The following TIAM1 variants were observed in gnomAD, a reference collection of about 807,000 sequenced individuals.
TIAM1 encodes the protein TIAM Rac1 associated GEF 1.
Under a neutral mutation model 163.5 loss-of-function variants are expected in TIAM1, and 65 were observed. The ratio of observed to expected loss-of-function variants is 0.40; its 90% CI spans 0.33 to 0.49. TIAM1 has a LOEUF of 0.49. Among genes scored for constraint, TIAM1 ranks in the 20% least tolerant of loss-of-function variants. The pLI is 0.77. For missense variants in TIAM1, 1,789 were observed against 2,044.7 expected (o/e 0.87, Z 2.41); for synonymous variants, 833 against 810.1 (o/e 1.03, Z -0.48).
upstream of TIAM1, among the ~76,000 whole-genome samples, chr21:31,347,788 G>T (rs1264099437): frequency 7.1e-6 from 1 of 140,868 alleles, no homozygotes; most frequent in East Asian, 1.9e-4. Flanking sequence ...CGAACGTTCA[G>T]AGAAACTGCA....
rs549846158 is a variant in TIAM1 at position 31,303,210 on chromosome 21, G to A, written c.-188-26302C>T. 8.5e-5 allele frequency among the ~76,000 whole-genome samples: 13 copies of A among 152,172 alleles called. No individual in the cohort carries two copies. In the South Asian group the frequency reaches 2.7e-3, roughly 32 times the overall value. ...ATTAAAAAAAGTAAATTTTCCCATA[G>A]GACACCTATGACTAGGAACTCTTCC... On this transcript the variant is annotated intron_variant, in intron 2 of 27. Coordinates refer to ENST00000541036, the MANE Select transcript of TIAM1 (RefSeq NM_001353694.2).
intron 1 of TIAM1, among the ~76,000 whole-genome samples, chr21:31,516,558 T>C (rs762330775): frequency 5.3e-5 from 8 of 151,716 alleles, no homozygotes; most frequent in Non-Finnish European, 1.2e-4. Flanking sequence ...CTAAGAGAAA[T>C]TAACCCACAG....
intron 19 of TIAM1, among the ~76,000 whole-genome samples, 194 bp downstream of exon 19, chr21:31,152,442 C>G (rs2083423252): frequency 6.6e-6 from 1 of 152,198 alleles, no homozygotes; most frequent in African/African-American, 2.4e-5. Context: ...AGCAGCTGCA[C>G]CAGTTTAATG....
At chr21:31,434,674 T>C (rs1402076257) in intron 2 of TIAM1, among the ~76,000 whole-genome samples, 2 of 152,244 alleles carry the variant, frequency 1.3e-5, no homozygotes, top group African/African-American at 4.8e-5. Flanking sequence ...CGTGTTTTAA[T>C]TGCAGTTATA....
Position 31,336,107 on chromosome 21 carries a change from C to G in TIAM1, c.-189+3136G>C, listed in dbSNP as rs192652365. ...CAATGTCGGGGGCGCACCCAGGAGG[C>G]AGAAGATGTCCAAGACAGAATAAGT... On this transcript the variant is annotated intron_variant, in intron 2 of 27. Transcript: ENST00000541036. Among the ~76,000 whole-genome samples, 44 of 152,286 alleles carry G rather than the reference C, an allele frequency of 2.9e-4. No homozygotes were observed. In the East Asian group the frequency reaches 7.7e-3, roughly 27 times the overall value.
At chr21:31,346,389 A>T (rs2076148513), upstream of TIAM1, among the ~76,000 whole-genome samples, 1 of 152,204 alleles carries the variant, frequency 6.6e-6, no homozygotes, top group African/African-American at 2.4e-5. Flanking sequence ...GCTCAGAAGA[A>T]AGCAGACACT....
intron 2 of TIAM1, among the ~76,000 whole-genome samples, chr21:31,375,791 G>A (rs1213336023): frequency 6.6e-6 from 1 of 152,150 alleles, no homozygotes; most frequent in East Asian, 1.9e-4. Flanking sequence ...CACTTTGGGA[G>A]GCTGAGGCAG....
intron 4 of TIAM1, among the ~76,000 whole-genome samples, chr21:31,257,864 A>C (rs2072205481): frequency 6.6e-6 from 1 of 151,552 alleles, no homozygotes; most frequent in African/African-American, 2.4e-5. Flanking sequence ...TCCTCCAACT[A>C]CCATGCCAAC....
intron 2 of TIAM1, among the ~76,000 whole-genome samples, chr21:31,310,366 C>A (rs1011340676): frequency 6.6e-6 from 1 of 152,076 alleles, no homozygotes. Context: ...GAAAGCAGTC[C>A]CCTCCCACAG....
At chr21:31,464,150 T>TTTATATATG (rs2045436321) in intron 1 of TIAM1, 1 of 152,142 alleles carries the variant, frequency 6.6e-6, no homozygotes, top group Non-Finnish European at 1.5e-5. Flanking sequence ...TATAAAACTC[T>TTTATATATG]ACCAGAGGAG....
In TIAM1 at chr21:31,126,717, C is replaced by T. The variant is rs114713020; in HGVS notation, c.4133+348G>A. 4.5e-3 allele frequency among the ~76,000 whole-genome samples: 690 copies of T among 152,168 alleles called. 2 individuals are homozygous for T. The highest frequency in any genetic ancestry group is 0.016 in the African/African-American group (646 of 41,496). ...ATAGGTTTCATATGGGAGAAGACCT[C>T]AAATTCTCATGGCGGAGGGAGAGAA... On this transcript the variant is annotated intron_variant, in intron 26 of 27. Transcript: ENST00000541036.
chr21:31,229,962 C>T (rs994605380), intron 6 of TIAM1, among the ~76,000 whole-genome samples: 38 of 152,298 alleles, frequency 2.5e-4, no homozygotes, highest in African/African-American at 8.7e-4. Flanking sequence ...CATCTTCACC[C>T]ATTTTTAAAG....
At chr21:31,528,630 C>G (rs191520813) in intron 1 of TIAM1, among the ~76,000 whole-genome samples, 43 of 151,900 alleles carry the variant, frequency 2.8e-4, no homozygotes, top group African/African-American at 9.2e-4. Context: ...TGGTGAAACC[C>G]TGTCTCTACT....
rs1235092469 is a variant in TIAM1 at position 31,388,252 on chromosome 21, CACACACA to C, written c.-368-48837_-368-48831del. Among the ~76,000 whole-genome samples the C allele has an allele frequency of 8.7e-3, 808 of 92,694 alleles. 6 individuals are homozygous for C. The highest frequency in any genetic ancestry group is 0.014 in the African/African-American group (353 of 24,926). The allele number at this position is 92,694 out of a possible 152,430, so 60.8% of individuals were successfully genotyped here. ...ACACACACACACACACACACACACA[CACACACA>C]ACCTCTTACGTGAATACGGTGAATC... On this transcript the variant is annotated intron_variant, in intron 2 of 28. Coordinates refer to the TIAM1 transcript ENST00000286827.
At position 31,556,597 on chromosome 21, in the gene TIAM1, T is replaced by A. The variant is rs139393076; in HGVS notation, c.-422+2330A>T. Among the ~76,000 whole-genome samples, 534 of 145,990 alleles carry A rather than the reference T, an allele frequency of 3.7e-3. 3 individuals carry two copies. The highest frequency in any genetic ancestry group is 3.5e-3 in the Non-Finnish European group (228 of 64,648). ...GAGATCATCTGATCTGATTATGGAC[T>A]GTTATTATTTTGTGTTGTTTATTTC... On this transcript the variant is annotated intron_variant, in intron 1 of 28. Coordinates refer to the TIAM1 transcript ENST00000286827.
intron 22 of TIAM1, among the ~76,000 whole-genome samples, chr21:31,139,752 A>G (rs2082762014): frequency 6.6e-6 from 1 of 152,218 alleles, no homozygotes; most frequent in African/African-American, 2.4e-5. Context: ...TTGTAATGTT[A>G]TGTAAAAACA....
intron 26 of TIAM1, among the ~76,000 whole-genome samples, chr21:31,126,365 G>A (rs1383051555): frequency 2.0e-5 from 3 of 152,054 alleles, no homozygotes; most frequent in East Asian, 1.9e-4. Context: ...TCAGGAGATC[G>A]AGACCATCCT....
chr21:31,406,953 T>C (rs942107314), intron 2 of TIAM1, among the ~76,000 whole-genome samples: 1 of 152,116 alleles, frequency 6.6e-6, no homozygotes, highest in Non-Finnish European at 1.5e-5. Flanking sequence ...CCAAAACCAT[T>C]CTCCTCCCTT....
chr21:31,304,100 AG>A, intron 2 of TIAM1, among the ~76,000 whole-genome samples: 1 of 152,322 alleles, frequency 6.6e-6, no homozygotes, highest in Non-Finnish European at 1.5e-5. Context: ...GGGGCTTCTG[AG>A]GGCTCTGGCC....
Sources: gnomAD v4.1 joint callset for allele counts (sites outside exome capture counted in the v4.1 genomes callset) on GRCh38, gnomAD v4.1.1 for gene constraint, MANE v1.5 for transcripts, NCBI Gene and HGNC (gene_info 2026-07-23, HGNC 2026-07-21) for gene names.